KCNIP4: variants seen among roughly 807,000 people sequenced by gnomAD.
The protein encoded by KCNIP4 is Kv channel-interacting protein 4.
KCNIP4 carries 12 observed loss-of-function variants against 34.0 expected under a neutral mutation model. The observed-to-expected ratio is 0.35, with a 90% CI of 0.23 to 0.57. KCNIP4 has a LOEUF of 0.57. KCNIP4 is among the 20% of genes least tolerant of loss of function. The pLI is 0.83. For missense variants in KCNIP4, 238 were observed against 311.7 expected, an observed-to-expected ratio of 0.76 and a Z score of 1.78; for synonymous variants, 124 against 102.2, an observed-to-expected ratio of 1.21 and a Z score of -1.29.
chr4:21,506,605 T>C (rs1733864959), intron 1 of KCNIP4, among the ~76,000 whole-genome samples: 1 of 152,208 alleles, frequency 6.6e-6, no homozygotes, highest in African/African-American at 2.4e-5. Flanking sequence ...TAAATTCAGA[T>C]GGTTTTCATT....
At chr4:21,059,890 A>C (rs1743764517) in intron 1 of KCNIP4, among the ~76,000 whole-genome samples, 2 of 152,068 alleles carry the variant, frequency 1.3e-5, no homozygotes, top group Non-Finnish European at 2.9e-5. Context: ...CGTTGACTGA[A>C]ACCTGGCCCT....
chr4:21,432,137 T>TATAC (rs1428536684), intron 1 of KCNIP4, among the ~76,000 whole-genome samples: 1 of 112,220 alleles, frequency 8.9e-6, no homozygotes, highest in South Asian at 2.8e-4. Flanking sequence ...TATATATATA[T>TATAC]ACAATCTCCT....
At chr4:21,167,258 T>C (rs1316900996) in intron 1 of KCNIP4, among the ~76,000 whole-genome samples, 1 of 152,172 alleles carries the variant, frequency 6.6e-6, no homozygotes, top group East Asian at 1.9e-4. Flanking sequence ...GATAGATATA[T>C]ATGTTCACTA....
At chr4:21,033,694 G>A (rs1261923198) in intron 1 of KCNIP4, among the ~76,000 whole-genome samples, 2 of 152,084 alleles carry the variant, frequency 1.3e-5, no homozygotes, top group Non-Finnish European at 1.5e-5. Flanking sequence ...AATGATTGAG[G>A]CCATGATTAT....
chr4:20,886,089 A>G (rs984493515), intron 1 of KCNIP4, among the ~76,000 whole-genome samples: 4 of 152,248 alleles, frequency 2.6e-5, no homozygotes, highest in African/African-American at 9.6e-5. Flanking sequence ...GAAATGGAAG[A>G]TGGAAGATGT....
At chr4:21,226,195 T>G in intron 1 of KCNIP4, among the ~76,000 whole-genome samples, 1 of 132,276 alleles carries the variant, frequency 7.6e-6, no homozygotes, top group Non-Finnish European at 1.6e-5. Context: ...AGGGATTGTT[T>G]GAGGGCAGGA....
intron 2 of KCNIP4, among the ~76,000 whole-genome samples, chr4:20,857,720 AATG>A: frequency 6.6e-6 from 1 of 150,572 alleles, no homozygotes; most frequent in South Asian, 2.1e-4. Flanking sequence ...TGATACAAAT[AATG>A]ATAACCTCTC....
At chr4:20,804,081 G>A (rs1714761994) in intron 3 of KCNIP4, among the ~76,000 whole-genome samples, 1 of 152,170 alleles carries the variant, frequency 6.6e-6, no homozygotes, top group Admixed American at 6.5e-5. Flanking sequence ...AAGTGTAATA[G>A]TGATAGTGAT....
At chr4:21,892,252 C>T (rs1168248210) in intron 1 of KCNIP4, among the ~76,000 whole-genome samples, 1 of 151,470 alleles carries the variant, frequency 6.6e-6, no homozygotes, top group Non-Finnish European at 1.5e-5. Context: ...TGACAGATGT[C>T]AGATGTCATG....
At chr4:20,937,094 T>C (rs1238061478) in intron 1 of KCNIP4, among the ~76,000 whole-genome samples, 2 of 152,086 alleles carry the variant, frequency 1.3e-5, no homozygotes, top group African/African-American at 4.8e-5. Flanking sequence ...AGAGCTGGCT[T>C]TTGGTGCTGA....
intron 1 of KCNIP4, among the ~76,000 whole-genome samples, chr4:21,265,687 T>C (rs746448082): frequency 3.9e-5 from 6 of 152,210 alleles, no homozygotes; most frequent in African/African-American, 7.2e-5. Context: ...AGAATCATAA[T>C]GGAAAATAAG....
chr4:21,440,901 T>C (rs1029971967), intron 1 of KCNIP4, among the ~76,000 whole-genome samples: 2 of 152,082 alleles, frequency 1.3e-5, no homozygotes, highest in African/African-American at 4.8e-5. Context: ...TTATGTAATA[T>C]CAGGAAAAAG....
chr4:21,720,521 GTTTT>G lies in KCNIP4; in HGVS notation c.61+228046_61+228049del, dbSNP rs1167125424. Among the ~76,000 whole-genome samples the G allele has an allele frequency of 4.5e-5, 5 of 111,064 alleles. No individual in the cohort carries two copies. The East Asian group carries it at 1.9e-3, about 41-fold the overall frequency. The allele number at this position is 111,064 out of a possible 152,430, so 72.9% of individuals were successfully genotyped here. On this transcript the variant is annotated intron_variant, in intron 1 of 8. Transcript: ENST00000382152. ...GCTGTTGTTTTTTTTCCCCCATTCTGTTTTTTTTCTTTTTTTTTTTTTCATTGTA... is the reference window on the plus strand; with the variant it reads ...GCTGTTGTTTTTTTTCCCCCATTCTGTTTTCTTTTTTTTTTTTTCATTGTA...
chr4:20,854,535 G>T (rs1019619484), intron 2 of KCNIP4, among the ~76,000 whole-genome samples: 1 of 152,144 alleles, frequency 6.6e-6, no homozygotes, highest in Non-Finnish European at 1.5e-5. Context: ...CAAATATTGT[G>T]CAGTGTATAC....
intron 1 of KCNIP4, among the ~76,000 whole-genome samples, chr4:21,472,160 G>T (rs1730522570): frequency 6.6e-6 from 1 of 152,084 alleles, no homozygotes; most frequent in Non-Finnish European, 1.5e-5. Flanking sequence ...ACATTCCTAG[G>T]CATCTTTCCT....
At chr4:20,903,179 GCAAACTA>G (rs1727358374) in intron 1 of KCNIP4, among the ~76,000 whole-genome samples, 1 of 152,258 alleles carries the variant, frequency 6.6e-6, no homozygotes, top group South Asian at 2.1e-4. Flanking sequence ...TGAAAACACT[GCAAACTA>G]TCAAAGGCAT....
intron 1 of KCNIP4, among the ~76,000 whole-genome samples, chr4:21,896,503 CAGAGA>C (rs1215467808): frequency 6.7e-6 from 1 of 149,644 alleles, no homozygotes; most frequent in African/African-American, 2.5e-5. Context: ...GGAAGTCAGA[CAGAGA>C]AGAGGAGTAA....
In KCNIP4 at chr4:21,501,688, T is replaced by TTGTGTGTG. The variant is rs370071298; in HGVS notation, c.61+446875_61+446882dup. On this transcript the variant is annotated intron_variant, in intron 1 of 8. Coordinates refer to ENST00000382152, the MANE Select transcript of KCNIP4 (RefSeq NM_025221.6). ...TTCACATTTTGGGAATGCAGAAGCC[T>TTGTGTGTG]TGTGTGTGTGTGTGTGTGTGTGTGT... Among the ~76,000 whole-genome samples the TTGTGTGTG allele has an allele frequency of 9.6e-3, 1,226 of 127,292 alleles. 27 individuals carry two copies. The highest frequency in any genetic ancestry group is 0.034 in the African/African-American group (1,110 of 32,324). The allele number at this position is 127,292 out of a possible 152,430, so 83.5% of individuals were successfully genotyped here.
chr4:21,382,408 T>C (rs779697642), intron 1 of KCNIP4, among the ~76,000 whole-genome samples: 10 of 152,160 alleles, frequency 6.6e-5, no homozygotes, highest in Non-Finnish European at 1.5e-4. Context: ...ATATCTTGCA[T>C]TGACAATATC....
Sources: allele counts gnomAD v4.1 joint callset (sites outside exome capture counted in the v4.1 genomes callset), GRCh38; gene constraint gnomAD v4.1.1; transcripts MANE v1.5; gene names NCBI Gene and HGNC (gene_info 2026-07-23, HGNC 2026-07-21).